DHX38: variants seen among roughly 807,000 people sequenced by gnomAD.
The protein encoded by DHX38 is pre-mRNA-splicing factor ATP-dependent RNA helicase PRP16.
In DHX38, 100 loss-of-function variants were observed where a neutral mutation model predicts 153.1. The observed-to-expected ratio is 0.65, with a 90% CI of 0.56 to 0.77. The LOEUF is 0.77. DHX38 is among the 30% of genes least tolerant of loss of function. The pLI, the probability that DHX38 is intolerant of heterozygous loss-of-function variation, is 0.00. For missense variants in DHX38, 1,440 were observed against 1,654.0 expected, an observed-to-expected ratio of 0.87 and a Z score of 2.24; for synonymous variants, 650 against 631.7, an observed-to-expected ratio of 1.03 and a Z score of -0.43.
chr16:72,104,193 C>A lies in DHX38; in HGVS notation c.2010+62C>A. On this transcript the variant is annotated intron_variant, in intron 14 of 26. Transcript: ENST00000268482. The surrounding 1 kb of genome is among the most constrained non-coding windows in gnomAD (Gnocchi z 4.5). ...GTGTTGACCAGTGCACCACCAGTAG[C>A]TAGTGGGTTGCTCCAGGTGGGCTGA... 1 of 1,575,644 alleles carries A rather than the reference C, an allele frequency of 6.3e-7. No individual in the cohort carries two copies. The highest frequency in any genetic ancestry group is 1.1e-5 in the South Asian group (1 of 87,380).
At position 72,104,151 on chromosome 16, in the gene DHX38, G is replaced by C. The variant is rs765849087; in HGVS notation, c.2010+20G>C. The stretch of plus-strand genomic sequence containing the variant: ...CGGGAGGTGAGGGCTGTGTGGTTTG[G>C]TCTCTCTGCGCATGGGGTGTTGACC... On this transcript the variant is annotated intron_variant, in intron 14 of 26. Transcript: ENST00000268482. This position sits in a 1 kb window ranked among gnomAD's most constrained non-coding sequence, Gnocchi z 4.5. 6.2e-7 allele frequency: 1 copy of C among 1,611,102 alleles called. No individual in the cohort carries two copies. The highest frequency in any genetic ancestry group is 1.3e-5 in the African/African-American group (1 of 74,998).
chr16:72,102,275 T>C (rs978632711), intron 11 of DHX38, among the ~76,000 whole-genome samples: 1 of 152,192 alleles, frequency 6.6e-6, no homozygotes, highest in African/African-American at 2.4e-5. Flanking sequence ...TCAGCCCTTA[T>C]TCTTCTCTAG....
At chr16:72,096,683 G>T in intron 2 of DHX38, 139 bp from the exon 3 acceptor site, 1 of 1,487,366 alleles carries the variant, frequency 6.7e-7, no homozygotes, top group Non-Finnish European at 9.0e-7. Flanking sequence ...GAAATGCCTT[G>T]GGTTGTTGCC....
At position 72,097,021 on chromosome 16, in the gene DHX38, AG is replaced by A. The variant is rs1567603134; in HGVS notation, c.511+13del. On this transcript the variant is annotated intron_variant, in intron 3 of 26. Transcript: ENST00000268482. Reference sequence around the variant, plus strand: ...CAAGAGGGACAGAGGTAAACTGTCCAGCACAGTTCCTATTGTCCATTAGCAT... The same window carrying A: ...CAAGAGGGACAGAGGTAAACTGTCCACACAGTTCCTATTGTCCATTAGCAT... 6.2e-7 allele frequency: 1 copy of A among 1,604,410 alleles called. No individual in the cohort carries two copies. The highest frequency in any genetic ancestry group is 8.5e-7 in the Non-Finnish European group (1 of 1,173,706).
rs751974080 is a variant in DHX38, at chr16:72,108,818, A to G, written c.3274A>G (p.Asn1092Asp). The change falls in exon 24 of 27, where the codon AAC (asparagine) becomes GAC (aspartate). Residue 1092 changes from asparagine (N) to aspartate (D), a missense_variant. Transcript: ENST00000268482. ...TCCCTAGGGAATCGGGGAGTACGTG[A>G]ACATCCGCACAGGGATGCCCTGCCA... ...AKLKGIGEYV[N>D]IRTGMPCHLH... 2 of 1,613,898 alleles carry G rather than the reference A, an allele frequency of 1.2e-6. No homozygotes were observed. The highest frequency in any genetic ancestry group is 4.5e-5 in the East Asian group (2 of 44,888).
At chr16:72,097,345 A>G (rs1224921818) in intron 3 of DHX38, 1 of 404,748 alleles carries the variant, frequency 2.5e-6, no homozygotes, top group African/African-American at 2.0e-5. Flanking sequence ...AGCTAGACAA[A>G]AAAATCCAAT....
Position 72,108,595 on chromosome 16 carries a change from A to T in DHX38, c.3243A>T (p.Ala1081=), listed in dbSNP as rs1014115217. 1.2e-6 allele frequency: 2 copies of T among 1,613,904 alleles called. No individual in the cohort carries two copies. The highest frequency in any genetic ancestry group is 1.3e-5 in the African/African-American group (1 of 75,054). The change falls in exon 23 of 27, where the codon GCA becomes GCT. Residue 1081 remains alanine (A), a synonymous_variant. Coordinates refer to ENST00000268482, the MANE Select transcript of DHX38 (RefSeq NM_014003.4). ...TCTGTGCTGCCTATTTCCACCAAGC[A>T]GCCAAGCTCAAGGTGAACCCAGGAG... The part of the protein sequence containing the change: ...KCICAAYFHQ[A]AKLKGIGEYV...
chr16:72,105,683 G>A, intron 18 of DHX38, 59 bp downstream of exon 18: 1 of 1,570,636 alleles, frequency 6.4e-7, no homozygotes, highest in Non-Finnish European at 8.8e-7. Flanking sequence ...CTTAGCTGCG[G>A]GGTGGGAAGC....
chr16:72,094,744 C>T (rs2041984207), intron 1 of DHX38, among the ~76,000 whole-genome samples: 1 of 152,204 alleles, frequency 6.6e-6, no homozygotes, highest in African/African-American at 2.4e-5. Flanking sequence ...TCCTGTCCTC[C>T]TTTAATAAGT....
In DHX38 at chr16:72,097,015, C is replaced by T. The variant is rs1439515505; in HGVS notation, c.511+6C>T. On this transcript the variant is annotated splice_donor_region_variant and intron_variant, in intron 3 of 26. Coordinates refer to ENST00000268482, the MANE Select transcript of DHX38 (RefSeq NM_014003.4). ...TGACCGCAAGAGGGACAGAGGTAAA[C>T]TGTCCAGCACAGTTCCTATTGTCCA... 6.2e-7 allele frequency: 1 copy of T among 1,609,020 alleles called. No individual in the cohort carries two copies. The highest frequency in any genetic ancestry group is 8.5e-7 in the Non-Finnish European group (1 of 1,176,658).
Position 72,097,017 on chromosome 16 carries a change from G to A in DHX38, c.511+8G>A. The A allele has an allele frequency of 6.2e-7, 1 of 1,609,052 alleles. No homozygotes were observed. Among genetic ancestry groups the A allele is most frequent in the African/African-American group, 1.3e-5 (1 of 74,864 alleles). On this transcript the variant is annotated splice_region_variant and intron_variant, in intron 3 of 26. Transcript: ENST00000268482. ...ACCGCAAGAGGGACAGAGGTAAACT[G>A]TCCAGCACAGTTCCTATTGTCCATT...
At chr16:72,110,860 G>A in intron 25 of DHX38, 96 bp from the exon 26 acceptor site, 1 of 1,465,712 alleles carries the variant, frequency 6.8e-7, no homozygotes, top group Non-Finnish European at 9.1e-7. Flanking sequence ...CCTGGTGGAT[G>A]CAGCACCTGG....
chr16:72,103,902 T>C, intron 13 of DHX38, 44 bp from the exon 14 acceptor site: 1 of 1,609,060 alleles, frequency 6.2e-7, no homozygotes, highest in Admixed American at 1.7e-5. Context: ...GTGCTGGTGG[T>C]GAGCCGGTGG....
At position 72,108,882 on chromosome 16, in the gene DHX38, C is replaced by T. The variant is rs778481098; in HGVS notation, c.3338C>T (p.Thr1113Ile). ...AGCTCCCTTTTTGGAATGGGCTACA[C>T]CCCAGATTACATAGTGTATCACGAG... ...PTSSLFGMGY[T>I]PDYIVYHELV... The change falls in exon 24 of 27, where the codon ACC (threonine) becomes ATC (isoleucine). Residue 1113 changes from threonine (T) to isoleucine (I), a missense_variant. Physicochemically the swap from Thr to Ile is moderately conservative, Grantham distance 89. Transcript: ENST00000268482. 1 of 1,613,570 alleles carries T rather than the reference C, an allele frequency of 6.2e-7. No individual in the cohort carries two copies. Among genetic ancestry groups the T allele is most frequent in the East Asian group, 2.2e-5 (1 of 44,872 alleles).
intron 6 of DHX38, 35 bp from the exon 7 acceptor site, chr16:72,099,169 G>A: frequency 5.0e-6 from 8 of 1,599,264 alleles, no homozygotes; most frequent in Non-Finnish European, 6.8e-6. Flanking sequence ...GGACAGGCCA[G>A]GGCATGGACT....
At position 72,103,065 on chromosome 16, in the gene DHX38, T is replaced by C; in HGVS notation, c.1500-9T>C. On this transcript the variant is annotated splice_polypyrimidine_tract_variant and intron_variant, in intron 11 of 26. Transcript: ENST00000268482. Reference sequence around the variant, plus strand: ...CATGCAGGGTGTTTAGGCTGCTGTGTGTTCCTAGGACAGAGCAGAAGTTTG... The same window carrying C: ...CATGCAGGGTGTTTAGGCTGCTGTGCGTTCCTAGGACAGAGCAGAAGTTTG... The C allele has an allele frequency of 6.2e-7, 1 of 1,613,986 alleles. No individual in the cohort carries two copies. Among genetic ancestry groups the C allele is most frequent in the Non-Finnish European group, 8.5e-7 (1 of 1,179,896 alleles).
intron 12 of DHX38, 52 bp from the exon 13 acceptor site, chr16:72,103,550 G>C: frequency 6.4e-7 from 1 of 1,572,538 alleles, no homozygotes; most frequent in East Asian, 2.3e-5. Flanking sequence ...TGGAGGCTGG[G>C]TGTTGGCCTT....
intron 4 of DHX38, 131 bp from the exon 5 acceptor site, chr16:72,098,514 C>A: frequency 1.7e-6 from 2 of 1,165,532 alleles, no homozygotes; most frequent in Non-Finnish European, 2.4e-6. Flanking sequence ...CGATCTTAAC[C>A]GTTATAGATA....
rs371172065 is a variant in DHX38, at chr16:72,105,533, G to A, written c.2396G>A (p.Arg799Gln). 2.2e-5 allele frequency: 36 copies of A among 1,614,060 alleles called. No individual in the cohort carries two copies. Among genetic ancestry groups the A allele is most frequent in the Non-Finnish European group, 2.8e-5 (33 of 1,180,050 alleles). ...KIFQKAPDGV[R>Q]KCIVATNIAE... ...CTGCTCTAGGCTCCAGATGGCGTTCGGAAGTGCATCGTTGCCACCAATATT... is the reference window on the plus strand; with the variant it reads ...CTGCTCTAGGCTCCAGATGGCGTTCAGAAGTGCATCGTTGCCACCAATATT... The change falls in exon 18 of 27, where the codon CGG becomes CAG. Residue 799 changes from arginine to glutamine, a missense_variant. Physicochemically the swap from Arg to Gln is conservative, Grantham distance 43 (BLOSUM62 1). Coordinates refer to ENST00000268482, the MANE Select transcript of DHX38 (RefSeq NM_014003.4).
Sources: gnomAD v4.1 joint callset for allele counts (sites outside exome capture counted in the v4.1 genomes callset) on GRCh38, gnomAD v4.1.1 for gene constraint, Gnocchi (gnomAD v3.1) non-coding constraint, MANE v1.5 for transcripts, NCBI Gene and HGNC (gene_info 2026-07-23, HGNC 2026-07-21) for gene names.